Variants in CABCOCO1 observed in about 807,000 individuals in gnomAD.
The protein encoded by CABCOCO1 is ciliary-associated calcium-binding coiled-coil protein 1.
In CABCOCO1, 28 loss-of-function variants were observed where a neutral mutation model predicts 35.7. The observed-to-expected ratio is 0.78, with a 90% confidence interval of 0.58 to 1.07. The LOEUF (loss-of-function observed/expected upper bound fraction) is 1.07. Ranked by LOEUF, CABCOCO1 falls within the 50% of genes least tolerant of loss-of-function variation. The pLI is 0.00. For synonymous variants in CABCOCO1, 95 were observed against 100.1 expected, an observed-to-expected ratio of 0.95 and a Z score of 0.30; for missense variants, 326 against 309.2, an observed-to-expected ratio of 1.05 and a Z score of -0.41.
intron 5 of CABCOCO1, among the ~76,000 whole-genome samples, chr10:61,721,327 G>A (rs1841015116): frequency 6.6e-6 from 1 of 152,090 alleles, no homozygotes; most frequent in African/African-American, 2.4e-5. Context: ...TCATGAAACA[G>A]ATGGGAAGAA....
intron 5 of CABCOCO1, among the ~76,000 whole-genome samples, chr10:61,714,627 C>T (rs1840814773): frequency 6.6e-6 from 1 of 152,068 alleles, no homozygotes; most frequent in Non-Finnish European, 1.5e-5. Context: ...TAGATCTTTC[C>T]TGCTTTCTTT....
intron 5 of CABCOCO1, among the ~76,000 whole-genome samples, chr10:61,692,423 G>T (rs1840173675): frequency 6.6e-6 from 1 of 152,062 alleles, no homozygotes; most frequent in Admixed American, 6.6e-5. Flanking sequence ...TGCCATTAAA[G>T]AAATAGTGCT....
intron 5 of CABCOCO1, among the ~76,000 whole-genome samples, chr10:61,711,211 T>C (rs1290826924): frequency 1.3e-5 from 2 of 151,968 alleles, no homozygotes; most frequent in African/African-American, 4.8e-5. Flanking sequence ...GTAAAGATGA[T>C]CAGATTGCCA....
At chr10:61,664,739 G>A (rs139525869) in intron 1 of CABCOCO1, among the ~76,000 whole-genome samples, 1 of 152,320 alleles carries the variant, frequency 6.6e-6, no homozygotes, top group South Asian at 2.1e-4. Context: ...CAGAGTTTCT[G>A]TAGTTCATGG....
intron 7 of CABCOCO1, among the ~76,000 whole-genome samples, chr10:61,761,998 C>T (rs1417380903): frequency 6.6e-6 from 1 of 152,070 alleles, no homozygotes. Context: ...ACACGTTTTA[C>T]ACAAAGCTTT....
intron 5 of CABCOCO1, among the ~76,000 whole-genome samples, chr10:61,721,069 C>T (rs1289312978): frequency 1.3e-5 from 2 of 151,512 alleles, no homozygotes; most frequent in East Asian, 1.9e-4. Context: ...GGACTACACG[C>T]GCCCGCCACC....
intron 5 of CABCOCO1, among the ~76,000 whole-genome samples, chr10:61,697,412 T>C (rs1254134004): frequency 6.6e-6 from 1 of 152,118 alleles, no homozygotes; most frequent in African/African-American, 2.4e-5. Flanking sequence ...CTCTAAAATA[T>C]ATTCTTAATT....
intron 3 of CABCOCO1, among the ~76,000 whole-genome samples, chr10:61,682,574 T>C (rs1839827134): frequency 6.6e-6 from 1 of 152,228 alleles, no homozygotes; most frequent in African/African-American, 2.4e-5. Context: ...GAATATTTTT[T>C]ATTTCTTATG....
At position 61,689,066 on chromosome 10, in the gene CABCOCO1, G is replaced by T. The variant is rs112759087; in HGVS notation, c.480-1483G>T. ...TGCAATTAAAAGAATAAGGCTGAAA[G>T]ATTATGAAATTTCAGGAAAGAAGAT... On this transcript the variant is annotated intron_variant, in intron 4 of 7. Coordinates refer to ENST00000648843, the MANE Select transcript of CABCOCO1 (RefSeq NM_001366906.2). Among the ~76,000 whole-genome samples the T allele has an allele frequency of 8.2e-3, 1,249 of 152,320 alleles. 10 individuals carry two copies. Among genetic ancestry groups the T allele is most frequent in the Non-Finnish European group, 0.013 (853 of 68,030 alleles).
chr10:61,684,692 T>C (rs543780359), intron 3 of CABCOCO1, among the ~76,000 whole-genome samples: 7 of 152,126 alleles, frequency 4.6e-5, no homozygotes, highest in Non-Finnish European at 1.0e-4. Flanking sequence ...CTGGCTTTAG[T>C]ATCTTTCTAC....
chr10:61,726,116 C>T (rs1384951824), intron 5 of CABCOCO1, among the ~76,000 whole-genome samples: 1 of 152,152 alleles, frequency 6.6e-6, no homozygotes, highest in East Asian at 1.9e-4. Context: ...AGGCATACCC[C>T]TTGACATAGC....
intron 5 of CABCOCO1, among the ~76,000 whole-genome samples, chr10:61,708,442 A>G (rs1589133829): frequency 6.6e-6 from 1 of 152,238 alleles, no homozygotes; most frequent in Middle Eastern, 3.4e-3. Context: ...CAAAAATATC[A>G]TAAACTGGAT....
chr10:61,749,053 T>C (rs548034749), intron 5 of CABCOCO1, among the ~76,000 whole-genome samples: 1 of 152,244 alleles, frequency 6.6e-6, no homozygotes, highest in East Asian at 1.9e-4. Flanking sequence ...TATATTTAAT[T>C]TTAATCATTA....
intron 5 of CABCOCO1, among the ~76,000 whole-genome samples, chr10:61,700,896 T>C (rs72821800): frequency 0.094 from 14,240 of 152,006 alleles, 883 homozygotes; most frequent in Middle Eastern, 0.17. Flanking sequence ...GTGACTGCAG[T>C]TTATAGTTTT....
Position 61,693,819 on chromosome 10 carries a change from A to G in CABCOCO1, c.552+3198A>G, listed in dbSNP as rs1486814376. On this transcript the variant is annotated intron_variant, in intron 5 of 7. Transcript: ENST00000648843. ...CAATTAGCAAACCAGGGTGTAGGAGATTCTATAGGGCAGAAGACATGGAAT... is the reference window on the plus strand; with the variant it reads ...CAATTAGCAAACCAGGGTGTAGGAGGTTCTATAGGGCAGAAGACATGGAAT... Among the ~76,000 whole-genome samples the G allele has an allele frequency of 2.0e-5, 3 of 152,062 alleles. No individual in the cohort carries two copies. In the East Asian group the frequency reaches 5.8e-4, roughly 29 times the overall value.
At chr10:61,680,396 T>A (rs1291503544) in intron 2 of CABCOCO1, among the ~76,000 whole-genome samples, 2 of 121,730 alleles carry the variant, frequency 1.6e-5, no homozygotes, top group South Asian at 2.2e-4. Flanking sequence ...ATATATATAT[T>A]TTTATATATA....
intron 5 of CABCOCO1, among the ~76,000 whole-genome samples, chr10:61,737,625 TA>T (rs1181003396): frequency 1.4e-4 from 22 of 152,202 alleles, no homozygotes; most frequent in African/African-American, 5.3e-4. Flanking sequence ...TATGCAGCCA[TA>T]AAAAAGCACA....
intron 5 of CABCOCO1, among the ~76,000 whole-genome samples, chr10:61,753,597 G>C (rs1314368141): frequency 6.6e-6 from 1 of 151,992 alleles, no homozygotes; most frequent in Non-Finnish European, 1.5e-5. Context: ...ATGTAATCAG[G>C]GCAACCACAG....
chr10:61,689,580 C>G (rs1840071042), intron 4 of CABCOCO1, among the ~76,000 whole-genome samples: 1 of 152,124 alleles, frequency 6.6e-6, no homozygotes, highest in Non-Finnish European at 1.5e-5. Context: ...ATTACAACAT[C>G]CAGGAGAAGC....
Sources: gnomAD v4.1 joint callset for allele counts (sites outside exome capture counted in the v4.1 genomes callset) on GRCh38, gnomAD v4.1.1 for gene constraint, MANE v1.5 for transcripts, NCBI Gene and HGNC (gene_info 2026-07-23, HGNC 2026-07-21) for gene names.